Variants in STARD13 observed in about 807,000 individuals in gnomAD.
STARD13 encodes the protein stAR-related lipid transfer protein 13.
A neutral mutation model predicts 106.4 loss-of-function variants in STARD13; 62 were observed. The ratio of observed to expected loss-of-function variants is 0.58; its 90% CI spans 0.48 to 0.72. The LOEUF (loss-of-function observed/expected upper bound fraction) is 0.72. Among genes scored for constraint, STARD13 ranks in the 30% least tolerant of loss-of-function variants. The pLI, the probability that STARD13 is intolerant of heterozygous loss-of-function variation, is 0.00. For synonymous variants in STARD13, 565 were observed against 553.0 expected, an observed-to-expected ratio of 1.02 and a Z score of -0.31; for missense variants, 1,387 against 1,424.0, an observed-to-expected ratio of 0.97 and a Z score of 0.42.
At chr13:33,140,557 A>C (rs1879680176) in intron 4 of STARD13, among the ~76,000 whole-genome samples, 1 of 152,156 alleles carries the variant, frequency 6.6e-6, no homozygotes, top group South Asian at 2.1e-4. Flanking sequence ...CCTCAGCTTA[A>C]AGCTTTGGTT....
the STARD13 span, among the ~76,000 whole-genome samples, chr13:33,634,336 T>C: frequency 3.7e-4 from 57 of 152,312 alleles, no homozygotes; most frequent in Middle Eastern, 3.4e-3. Context: ...AGTTAAAGTA[T>C]GCCTTCATGA....
At chr13:33,260,800 T>C (rs1448265775) in intron 1 of STARD13, among the ~76,000 whole-genome samples, 1 of 152,242 alleles carries the variant, frequency 6.6e-6, no homozygotes, top group Non-Finnish European at 1.5e-5. Flanking sequence ...AATATCTTAA[T>C]AAACAGGATT....
chr13:33,459,136 C>T, the STARD13 span, among the ~76,000 whole-genome samples: 1 of 152,074 alleles, frequency 6.6e-6, no homozygotes, highest in Non-Finnish European at 1.5e-5. Flanking sequence ...ATATAGTGTA[C>T]AATTTGATAA....
At chr13:33,573,478 G>T in the STARD13 span, among the ~76,000 whole-genome samples, 1 of 152,018 alleles carries the variant, frequency 6.6e-6, no homozygotes, top group African/African-American at 2.4e-5. Flanking sequence ...TCTCCATAAG[G>T]CTAGGGATCC....
chr13:33,602,588 T>C, the STARD13 span, among the ~76,000 whole-genome samples: 11 of 152,134 alleles, frequency 7.2e-5, no homozygotes, highest in Non-Finnish European at 1.5e-4. Flanking sequence ...ATGTTCAAGA[T>C]GGAGGTGAAG....
At chr13:33,118,016 A>G in intron 8 of STARD13, 49 bp downstream of exon 8, 1 of 1,608,482 alleles carries the variant, frequency 6.2e-7, no homozygotes, top group Non-Finnish European at 8.5e-7. Flanking sequence ...TATTTTCATT[A>G]AAGTGGAAGG....
chr13:33,130,327 C>A lies in STARD13; in HGVS notation c.388-38G>T. ...AAGGAAAATGCTCATTAGCAGACAG[C>A]GTGGCTGAAGCAGGAACTCTGGGTG... is the stretch of plus-strand genomic sequence containing the variant. On this transcript the variant is annotated intron_variant, in intron 4 of 13. Transcript: ENST00000336934. This position sits in a 1 kb window ranked among gnomAD's most constrained non-coding sequence, Gnocchi z 4.1. 1 of 1,575,272 alleles carries A rather than the reference C, an allele frequency of 6.3e-7. No individual in the cohort carries two copies.
rs1447238446 is a variant in STARD13 at position 33,110,882 on chromosome 13, G to T, written c.2633C>A (p.Ser878Tyr). Residue 878 changes from serine to tyrosine, a missense_variant, in exon 11 of 14, where the codon TCT becomes TAT. Physicochemically the swap from Ser to Tyr is moderately radical, Grantham distance 144. Transcript: ENST00000336934. ...CTCAGCCTCCACATACGAGTTACGA[G>T]ACTGGGCCACCAACTCGTGTGGAAC... ...FEVPHELVAQ[S>Y]RNSYVEAEIH... The T allele has an allele frequency of 3.7e-6, 6 of 1,613,352 alleles. No homozygotes were observed. The highest frequency in any genetic ancestry group is 5.1e-6 in the Non-Finnish European group (6 of 1,180,030).
At chr13:33,122,259 A>C (rs995922525) in intron 7 of STARD13, among the ~76,000 whole-genome samples, 3 of 152,182 alleles carry the variant, frequency 2.0e-5, no homozygotes, top group African/African-American at 7.2e-5. Context: ...TGGGATTTTA[A>C]GTGTGAGCCA....
At chr13:33,360,240 T>C in the STARD13 span, among the ~76,000 whole-genome samples, 2 of 150,846 alleles carry the variant, frequency 1.3e-5, no homozygotes, top group Non-Finnish European at 2.9e-5. Context: ...AGTCTCACTC[T>C]GTCGCCCAGG....
At chr13:33,206,159 A>ATGTG in intron 1 of STARD13, 2 of 252,402 alleles carry the variant, frequency 7.9e-6, no homozygotes, top group Non-Finnish European at 1.3e-5. Flanking sequence ...TCTGGCACAT[A>ATGTG]CCAGAGGAAA....
intron 1 of STARD13, among the ~76,000 whole-genome samples, chr13:33,309,531 G>T (rs891248103): frequency 1.3e-5 from 2 of 152,148 alleles, no homozygotes; most frequent in Admixed American, 1.3e-4. Context: ...CACAGAGTTC[G>T]CTATTGAGGC....
At chr13:33,169,054 T>TTGTGTGAGGGTTTTCCAC (rs1373345241) in intron 1 of STARD13, among the ~76,000 whole-genome samples, 1 of 152,194 alleles carries the variant, frequency 6.6e-6, no homozygotes, top group Admixed American at 6.5e-5. Flanking sequence ...GATTTGTCTC[T>TTGTGTGAGGGTTTTCCAC]TGTGTGAGGG....
chr13:33,382,590 G>A, the STARD13 span, among the ~76,000 whole-genome samples: 1 of 152,096 alleles, frequency 6.6e-6, no homozygotes, highest in African/African-American at 2.4e-5. Flanking sequence ...CAAATGTTAA[G>A]TAAACAAATA....
At chr13:33,117,709 T>TA in intron 8 of STARD13, 4 of 915,252 alleles carry the variant, frequency 4.4e-6, no homozygotes, top group Non-Finnish European at 5.2e-6. Flanking sequence ...CTTACTTTTT[T>TA]AAAAAATTGA....
At chr13:33,452,655 A>G in the STARD13 span, among the ~76,000 whole-genome samples, 1 of 152,162 alleles carries the variant, frequency 6.6e-6, no homozygotes, top group African/African-American at 2.4e-5. Context: ...ACTCTTCTCC[A>G]TTGTCTGAAA....
the STARD13 span, among the ~76,000 whole-genome samples, chr13:33,640,830 T>G: frequency 6.6e-6 from 1 of 152,198 alleles, no homozygotes; most frequent in Non-Finnish European, 1.5e-5. Flanking sequence ...TTGTTTTTCT[T>G]TTTTCCTCCT....
the STARD13 span, among the ~76,000 whole-genome samples, chr13:33,470,821 C>A: frequency 1.3e-5 from 2 of 151,978 alleles, no homozygotes; most frequent in African/African-American, 4.8e-5. Context: ...ATTCTGGATA[C>A]TAGCCCTTTG....
intron 1 of STARD13, among the ~76,000 whole-genome samples, chr13:33,259,207 T>G (rs1786580752): frequency 6.6e-6 from 1 of 152,212 alleles, no homozygotes; most frequent in African/African-American, 2.4e-5. Context: ...TGAATAAATG[T>G]TGAATGAATA....
Sources: allele counts gnomAD v4.1 joint callset (sites outside exome capture counted in the v4.1 genomes callset), GRCh38; gene constraint gnomAD v4.1.1; non-coding constraint Gnocchi (gnomAD v3.1); transcripts MANE v1.5; gene names NCBI Gene and HGNC (gene_info 2026-07-23, HGNC 2026-07-21).